The following PITRM1 variants were observed in gnomAD, a reference collection of about 807,000 sequenced individuals.
The protein encoded by PITRM1 is presequence protease, mitochondrial.
PITRM1 carries 100 observed loss-of-function variants against 129.9 expected under a neutral mutation model. The ratio of observed to expected loss-of-function variants is 0.77; its 90% CI spans 0.65 to 0.91. The LOEUF (loss-of-function observed/expected upper bound fraction) is 0.91, where lower values mean the gene tolerates loss of function less well. Among genes scored for constraint, PITRM1 ranks in the 40% least tolerant of loss-of-function variants. PITRM1 has a pLI of 0.00. For missense variants in PITRM1, 1,471 were observed against 1,318.3 expected, an observed-to-expected ratio of 1.12 and a Z score of -1.79; for synonymous variants, 591 against 508.8, an observed-to-expected ratio of 1.16 and a Z score of -2.17.
At chr10:3,148,421 C>A (rs1300323853) in intron 16 of PITRM1, 130 bp from the exon 17 acceptor site, 3 of 1,177,274 alleles carry the variant, frequency 2.5e-6, no homozygotes, top group Non-Finnish European at 3.5e-6. Context: ...CCTCTCTACA[C>A]TTCGAAGGTC....
At position 3,160,440 on chromosome 10, in the gene PITRM1, C is replaced by T. The variant is rs530872595; in HGVS notation, c.792-110G>A. The T allele has an allele frequency of 9.0e-6, 8 of 884,462 alleles. No individual in the cohort carries two copies. The South Asian group carries it at 9.8e-5, about 11-fold the overall frequency. 54.8% of individuals were successfully genotyped at this position (884,462 alleles called of 1,614,324 possible). A position where few individuals can be genotyped will look rare whatever the true frequency, so the allele number is the denominator to read the frequency against. On this transcript the variant is annotated intron_variant, in intron 7 of 26. Coordinates refer to ENST00000224949, the MANE Select transcript of PITRM1 (RefSeq NM_014889.4). Reference sequence around the variant, plus strand: ...CAGGAGTGCCCCTTACCCAAGGTCTCGCCTTTCGGTTTCAGTCACCCTTAC... The same window carrying T: ...CAGGAGTGCCCCTTACCCAAGGTCTTGCCTTTCGGTTTCAGTCACCCTTAC...
At position 3,172,742 on chromosome 10, in the gene PITRM1, A is replaced by G. The variant is rs774266879; in HGVS notation, c.31T>C (p.Cys11Arg). ...CCGCCGCTCAGCCGCCTCAGCACACACAGGCCCTGCCGCCCGCCGCAGCGC... is the reference window on the plus strand; with the variant it reads ...CCGCCGCTCAGCCGCCTCAGCACACGCAGGCCCTGCCGCCCGCCGCAGCGC... MWRCGGRQGL[C>R]VLRRLSGGHA... The change falls in exon 1 of 27, where the codon TGT becomes CGT. Residue 11 changes from cysteine (C) to arginine (R), a missense_variant. By Grantham distance (180) the Cys-to-Arg change is radical. Coordinates refer to ENST00000224949, the MANE Select transcript of PITRM1 (RefSeq NM_014889.4). The G allele has an allele frequency of 4.5e-6, 7 of 1,545,586 alleles. No homozygotes were observed. In the East Asian group the frequency reaches 7.4e-5, roughly 16 times the overall value.
In PITRM1 at chr10:3,137,755, G is replaced by T; in HGVS notation, c.*276C>A. On this transcript the variant is annotated 3_prime_UTR_variant, in exon 27 of 27. Coordinates refer to ENST00000224949, the MANE Select transcript of PITRM1 (RefSeq NM_014889.4). ...AAGTCAGAGTTGCCCTTTATTTTTAGATTCTTAAATATTCTAGAATGAGGT... is the reference window on the plus strand; with the variant it reads ...AAGTCAGAGTTGCCCTTTATTTTTATATTCTTAAATATTCTAGAATGAGGT... The T allele has an allele frequency of 2.2e-6, 1 of 449,458 alleles. No individual in the cohort carries two copies. 27.8% of individuals were successfully genotyped at this position (449,458 alleles called of 1,614,324 possible).
chr10:3,140,952 G>C (rs1588626757), intron 23 of PITRM1, 140 bp from the exon 24 acceptor site: 1 of 779,020 alleles, frequency 1.3e-6, no homozygotes, highest in Non-Finnish European at 2.1e-6. Flanking sequence ...TTTTGGTCTT[G>C]TTTTTTAAGA....
At chr10:3,165,965 G>C (rs983049303) in intron 4 of PITRM1, among the ~76,000 whole-genome samples, 7 of 152,184 alleles carry the variant, frequency 4.6e-5, no homozygotes, top group African/African-American at 1.7e-4. Context: ...TGGCATTGTA[G>C]CGATATCTCC....
Position 3,145,946 on chromosome 10 carries a change from G to A in PITRM1, c.2337-230C>T, listed in dbSNP as rs190021225. ...TGGCAGCTAATGAAGCCGTCCATAC[G>A]CGGAGCCTGTGACTCTAAACTCTAG... On this transcript the variant is annotated intron_variant, in intron 20 of 26. Transcript: ENST00000224949. The A allele has an allele frequency of 3.2e-4, 166 of 518,598 alleles. No individual in the cohort carries two copies. In the Middle Eastern group the frequency reaches 0.011, roughly 36 times the overall value. 32.1% of individuals were successfully genotyped at this position (518,598 alleles called of 1,614,324 possible).
Position 3,172,704 on chromosome 10 carries a change from C to A in PITRM1, c.56+13G>T. 6.5e-7 allele frequency: 1 copy of A among 1,535,428 alleles called. No individual in the cohort carries two copies. The highest frequency in any genetic ancestry group is 8.8e-7 in the Non-Finnish European group (1 of 1,141,798). ...TACCAGCGCGCCGAGCGCCTCCCGT[C>A]GCAGCGTCTCACCCGCCGCTCAGCC... On this transcript the variant is annotated intron_variant, in intron 1 of 26. Coordinates refer to ENST00000224949, the MANE Select transcript of PITRM1 (RefSeq NM_014889.4).
intron 6 of PITRM1, chr10:3,164,147 G>A (rs185004600): frequency 3.1e-4 from 67 of 213,346 alleles, no homozygotes; most frequent in African/African-American, 1.4e-3. Context: ...TGCAACAAAC[G>A]CATAGCTGAG....
At position 3,170,128 on chromosome 10, in the gene PITRM1, C is replaced by A. The variant is rs1057244350; in HGVS notation, c.135G>T (p.Lys45Asn). ...ERALQYKLGD[K>N]IHGFTVNQVT... Reference sequence around the variant, plus strand: ...CCTGGTTTACGGTGAATCCATGGATCTTGTCTCCTAGTTTATACTGCAGAG... The same window carrying A: ...CCTGGTTTACGGTGAATCCATGGATATTGTCTCCTAGTTTATACTGCAGAG... Residue 45 changes from lysine to asparagine, a missense_variant, in exon 2 of 27, where the codon AAG (lysine) becomes AAT (asparagine). By Grantham distance (94) the Lys-to-Asn change is moderately conservative. Coordinates refer to ENST00000224949, the MANE Select transcript of PITRM1 (RefSeq NM_014889.4). 1.9e-6 allele frequency: 3 copies of A among 1,613,620 alleles called. No individual in the cohort carries two copies. In the African/African-American group the frequency reaches 4.0e-5, roughly 22 times the overall value.
intron 1 of PITRM1, among the ~76,000 whole-genome samples, chr10:3,171,147 TAAAAAAAAAAAAAAAAAAAAAAAA>T (rs1169315061): frequency 6.7e-4 from 33 of 49,172 alleles, no homozygotes; most frequent in Non-Finnish European, 9.3e-4. Flanking sequence ...ATCGTTCAAT[TAAAAAAAAAAAAAAAAAAAAAAAA>T]AAAAAAAAAA....
rs1027006372 is a variant in PITRM1 at position 3,156,568 on chromosome 10, G to A, written c.1482+362C>T. ...TGCCTAAAAATCTGAGAAAACAAAC[G>A]CGCAAGCATCAAAAGAATTCACTCA... On this transcript the variant is annotated intron_variant, in intron 13 of 26. Coordinates refer to ENST00000224949, the MANE Select transcript of PITRM1 (RefSeq NM_014889.4). Among the ~76,000 whole-genome samples the A allele has an allele frequency of 3.2e-4, 48 of 152,260 alleles. 1 individual carries two copies. The highest frequency in any genetic ancestry group is 1.2e-3 in the South Asian group (6 of 4,828).
chr10:3,138,178 T>A, intron 26 of PITRM1, 54 bp from the exon 27 acceptor site: 2 of 1,572,552 alleles, frequency 1.3e-6, no homozygotes, highest in Admixed American at 1.7e-5. Flanking sequence ...TGAGCGCTGT[T>A]AGAGTCAGCA....
intron 16 of PITRM1, 151 bp from the exon 17 acceptor site, chr10:3,148,442 G>A: frequency 1.0e-6 from 1 of 956,956 alleles, no homozygotes; most frequent in Non-Finnish European, 1.5e-6. Context: ...ATAAGCAGGT[G>A]CACTCTGGCC....
chr10:3,160,237 G>T lies in PITRM1; in HGVS notation c.885C>A (p.Thr295=). 6.2e-7 allele frequency: 1 copy of T among 1,613,910 alleles called. No homozygotes were observed. Among genetic ancestry groups the T allele is most frequent in the Non-Finnish European group, 8.5e-7 (1 of 1,179,826 alleles). ...CCCAGGGTGTCTGAGCTGGCACCAC[G>T]GTGCTTGGTTCAATTTTCTGGAATT... ...LSKFQKIEPS[T]VVPAQTPWDK... The change falls in exon 8 of 27, where the codon ACC becomes ACA. Residue 295 remains threonine, a synonymous_variant. Transcript: ENST00000224949.
intron 6 of PITRM1, 138 bp from the exon 7 acceptor site, chr10:3,164,023 TAA>T (rs5782688): frequency 0.019 from 6,334 of 329,136 alleles, 54 homozygotes; most frequent in African/African-American, 0.054. Context: ...TCTAATGGTT[TAA>T]AAAAAAAAAA....
chr10:3,171,797 C>G (rs1843384241), intron 1 of PITRM1, among the ~76,000 whole-genome samples: 1 of 152,086 alleles, frequency 6.6e-6, no homozygotes, highest in African/African-American at 2.4e-5. Context: ...CCCCGCAATG[C>G]GAGAGGCTGA....
rs537472379 is a variant in PITRM1, at chr10:3,170,112, C to T, written c.151G>A (p.Val51Ile). 1.7e-5 allele frequency: 27 copies of T among 1,611,716 alleles called. No homozygotes were observed. Among genetic ancestry groups the T allele is most frequent in the African/African-American group, 9.3e-5 (7 of 74,994 alleles). Reference sequence around the variant, plus strand: ...CCGAGGACGACCCATACCTGGTTTACGGTGAATCCATGGATCTTGTCTCCT... The same window carrying T: ...CCGAGGACGACCCATACCTGGTTTATGGTGAATCCATGGATCTTGTCTCCT... ...KLGDKIHGFTVNQVTSVPELF... is the reference protein window; with the variant it reads ...KLGDKIHGFTINQVTSVPELF... The change falls in exon 2 of 27, where the codon GTA (valine) becomes ATA (isoleucine). Residue 51 changes from valine (V) to isoleucine (I), a missense_variant. By Grantham distance (29) the Val-to-Ile change is conservative. Coordinates refer to ENST00000224949, the MANE Select transcript of PITRM1 (RefSeq NM_014889.4).
chr10:3,168,831 A>G (rs1415027419), intron 2 of PITRM1, among the ~76,000 whole-genome samples: 1 of 151,992 alleles, frequency 6.6e-6, no homozygotes, highest in Non-Finnish European at 1.5e-5. Context: ...TCTTCATAGC[A>G]GTGTGAGACT....
At position 3,138,087 on chromosome 10, in the gene PITRM1, T is replaced by G; in HGVS notation, c.3058A>C (p.Ile1020Leu). Reference sequence around the variant, plus strand: ...ATTTTCGGGTTCTCGGGTCCGAGGATGGCCAGGCCGTGTGTGCTCTTCCCA... The same window carrying G: ...ATTTTCGGGTTCTCGGGTCCGAGGAGGGCCAGGCCGTGTGTGCTCTTCCCA... Reference protein sequence around the residue: ...GTGKSTHGLAILGPENPKIAK... With the variant: ...GTGKSTHGLALLGPENPKIAK... Residue 1020 changes from isoleucine to leucine, a missense_variant, in exon 27 of 27, where the codon ATC becomes CTC. Ile to Leu is a conservative substitution (Grantham distance 5, BLOSUM62 2). Coordinates refer to ENST00000224949, the MANE Select transcript of PITRM1 (RefSeq NM_014889.4). 6.2e-7 allele frequency: 1 copy of G among 1,610,888 alleles called. No individual in the cohort carries two copies. The highest frequency in any genetic ancestry group is 8.5e-7 in the Non-Finnish European group (1 of 1,178,742).
Sources: allele counts gnomAD v4.1 joint callset (sites outside exome capture counted in the v4.1 genomes callset), GRCh38; gene constraint gnomAD v4.1.1; transcripts MANE v1.5; gene names NCBI Gene and HGNC (gene_info 2026-07-23, HGNC 2026-07-21).